Variants in MARCHF1 observed in about 807,000 individuals in gnomAD.
MARCHF1 encodes the protein membrane associated ring-CH-type finger 1, also known as E3 ubiquitin-protein ligase MARCHF1.
In MARCHF1, 40 loss-of-function variants were observed where a neutral mutation model predicts 54.2. That is an observed-to-expected ratio of 0.74 (90% CI 0.57 to 0.96). MARCHF1 has a LOEUF of 0.96. Among genes scored for constraint, MARCHF1 ranks in the 40% least tolerant of loss-of-function variants. The pLI, the probability that MARCHF1 is intolerant of heterozygous loss-of-function variation, is 0.00. For missense variants in MARCHF1, 586 were observed against 656.5 expected (o/e 0.89, Z 1.17); for synonymous variants, 236 against 236.3 (o/e 1.00, Z 0.01).
At position 164,337,830 on chromosome 4, in the gene MARCHF1, GA is replaced by G. The variant is rs567825715; in HGVS notation, c.-323+46039del. ...AGCATGCCAATGCATCACCCTGGGGGAAAAAAAAATGAAAGACTATCAGCAC... is the reference window on the plus strand; with the variant it reads ...AGCATGCCAATGCATCACCCTGGGGGAAAAAAAATGAAAGACTATCAGCAC... On this transcript the variant is annotated intron_variant, in intron 1 of 9. Transcript: ENST00000514618. 6.5e-3 allele frequency among the ~76,000 whole-genome samples: 986 copies of G among 150,974 alleles called. 13 individuals carry two copies. The highest frequency in any genetic ancestry group is 0.022 in the African/African-American group (913 of 41,162).
intron 1 of MARCHF1, among the ~76,000 whole-genome samples, chr4:164,263,068 AT>A (rs1349602313): frequency 6.6e-6 from 1 of 152,152 alleles, no homozygotes; most frequent in East Asian, 1.9e-4. Context: ...CTGAGGGCTA[AT>A]TTTATGAAAG....
intron 2 of MARCHF1, among the ~76,000 whole-genome samples, chr4:164,066,498 C>T (rs1488180692): frequency 6.6e-6 from 1 of 152,022 alleles, no homozygotes; most frequent in Non-Finnish European, 1.5e-5. Flanking sequence ...ACCATTCAAC[C>T]CAGAAATCTA....
chr4:163,709,014 C>G (rs1745029145), intron 4 of MARCHF1, among the ~76,000 whole-genome samples: 1 of 152,048 alleles, frequency 6.6e-6, no homozygotes. Context: ...GTGTAGAGGA[C>G]AATTCCATTT....
intron 8 of MARCHF1, 122 bp downstream of exon 8, chr4:163,585,627 G>C (rs1740385132): frequency 1.4e-6 from 1 of 719,460 alleles, no homozygotes; most frequent in Non-Finnish European, 2.2e-6. Context: ...CTCAACACAA[G>C]ACACATACCC....
intron 3 of MARCHF1, among the ~76,000 whole-genome samples, chr4:163,978,622 T>C (rs1752695582): frequency 6.6e-6 from 1 of 152,202 alleles, no homozygotes; most frequent in African/African-American, 2.4e-5. Context: ...TTCTTCCAGA[T>C]ACATGCTTTT....
chr4:164,186,751 A>T (rs1730981253), intron 1 of MARCHF1, among the ~76,000 whole-genome samples: 1 of 152,182 alleles, frequency 6.6e-6, no homozygotes, highest in Non-Finnish European at 1.5e-5. Context: ...GTTCATTCTT[A>T]TCTCCTACCA....
At chr4:164,092,352 T>A (rs1195928136) in intron 2 of MARCHF1, among the ~76,000 whole-genome samples, 3 of 152,152 alleles carry the variant, frequency 2.0e-5, no homozygotes, top group Non-Finnish European at 4.4e-5. Flanking sequence ...CTATCATGTA[T>A]CCCACACAAC....
intron 4 of MARCHF1, among the ~76,000 whole-genome samples, chr4:163,811,897 G>A (rs998573557): frequency 6.6e-6 from 1 of 152,148 alleles, no homozygotes; most frequent in Non-Finnish European, 1.5e-5. Context: ...TTATTTCTGA[G>A]TGTGTCTGCA....
chr4:164,089,169 G>T (rs778976775), intron 2 of MARCHF1, among the ~76,000 whole-genome samples: 1 of 151,098 alleles, frequency 6.6e-6, no homozygotes, highest in South Asian at 2.1e-4. Flanking sequence ...TATTTTTCTC[G>T]AGAAAGAATA....
At chr4:163,578,510 A>G (rs963974474) in intron 8 of MARCHF1, among the ~76,000 whole-genome samples, 3 of 152,048 alleles carry the variant, frequency 2.0e-5, no homozygotes, top group African/African-American at 7.2e-5. Context: ...CGTATTCCCA[A>G]TTCTCTCCCC....
At chr4:164,210,248 G>A (rs137895973) in intron 1 of MARCHF1, among the ~76,000 whole-genome samples, 31 of 152,222 alleles carry the variant, frequency 2.0e-4, no homozygotes, top group African/African-American at 6.0e-4. Context: ...CAGCATCTGC[G>A]AAGATGAGAA....
At chr4:164,200,367 C>G (rs1168897655) in intron 1 of MARCHF1, among the ~76,000 whole-genome samples, 2 of 152,112 alleles carry the variant, frequency 1.3e-5, no homozygotes, top group Non-Finnish European at 2.9e-5. Context: ...AGACGCACTT[C>G]TCTCTCTACC....
intron 3 of MARCHF1, among the ~76,000 whole-genome samples, chr4:163,943,100 T>C (rs1468148001): frequency 6.6e-5 from 10 of 152,232 alleles, no homozygotes; most frequent in Admixed American, 3.3e-4. Context: ...TAGACCTTTG[T>C]CAAATGCATA....
At chr4:163,669,968 C>G (rs1743675165) in intron 5 of MARCHF1, among the ~76,000 whole-genome samples, 1 of 152,084 alleles carries the variant, frequency 6.6e-6, no homozygotes. Flanking sequence ...CCAAAGCCTA[C>G]AAAGAGATTA....
intron 1 of MARCHF1, among the ~76,000 whole-genome samples, chr4:164,177,009 T>TATATATATATATATATATATACAC (rs1553989397): frequency 1.8e-5 from 1 of 55,574 alleles, no homozygotes; most frequent in Non-Finnish European, 3.6e-5. Flanking sequence ...TATATATATA[T>TATATATATATATATATATATACAC]ACAAATGATA....
chr4:164,373,352 CTTTTT>C (rs5863683), intron 1 of MARCHF1, among the ~76,000 whole-genome samples: 1 of 91,616 alleles, frequency 1.1e-5, no homozygotes, highest in Non-Finnish European at 2.0e-5. Flanking sequence ...TGAAAAACTA[CTTTTT>C]TTTTTTTTTT....
At chr4:163,697,075 C>A (rs1055542820) in intron 5 of MARCHF1, among the ~76,000 whole-genome samples, 2 of 152,062 alleles carry the variant, frequency 1.3e-5, no homozygotes, top group Non-Finnish European at 2.9e-5. Context: ...CAGGAGCAAG[C>A]TTCCAGAAAT....
At chr4:164,043,754 TTAAATA>T (rs1404959540) in intron 2 of MARCHF1, among the ~76,000 whole-genome samples, 1 of 152,206 alleles carries the variant, frequency 6.6e-6, no homozygotes, top group Non-Finnish European at 1.5e-5. Context: ...CCCTTCCCTT[TTAAATA>T]TAAGTTCCAA....
At chr4:164,121,410 C>A (rs997104700) in intron 1 of MARCHF1, among the ~76,000 whole-genome samples, 4 of 152,048 alleles carry the variant, frequency 2.6e-5, no homozygotes, top group African/African-American at 4.8e-5. Flanking sequence ...AGGAAACTTA[C>A]AATCATGGTG....
Sources: gnomAD v4.1 joint callset for allele counts (sites outside exome capture counted in the v4.1 genomes callset) on GRCh38, gnomAD v4.1.1 for gene constraint, MANE v1.5 for transcripts, NCBI Gene and HGNC (gene_info 2026-07-23, HGNC 2026-07-21) for gene names.